LYPD6B: variants seen among roughly 807,000 people sequenced by gnomAD.
LYPD6B encodes the protein LY6/PLAUR domain containing 6B, also known as ly6/PLAUR domain-containing protein 6B.
In LYPD6B, 17 loss-of-function variants were observed where a neutral mutation model predicts 22.8. That is an observed-to-expected ratio of 0.75 (90% CI 0.51 to 1.12). The LOEUF (loss-of-function observed/expected upper bound fraction) is 1.12, where lower values mean the gene tolerates loss of function less well. Ranked by LOEUF, LYPD6B falls within the 50% of genes most tolerant of loss-of-function variation. LYPD6B has a pLI of 0.00. For synonymous variants in LYPD6B, 106 were observed against 91.6 expected, an observed-to-expected ratio of 1.16 and a Z score of -0.90; for missense variants, 221 against 258.3, an observed-to-expected ratio of 0.86 and a Z score of 0.99.
intron 3 of LYPD6B, among the ~76,000 whole-genome samples, chr2:149,199,436 T>C (rs1693020747): frequency 6.6e-6 from 1 of 152,248 alleles, no homozygotes; most frequent in Admixed American, 6.5e-5. Context: ...CCAATAATTT[T>C]TGAGCGCACA....
At chr2:149,190,292 GTCTC>G (rs1354070049) in intron 3 of LYPD6B, among the ~76,000 whole-genome samples, 1 of 152,082 alleles carries the variant, frequency 6.6e-6, no homozygotes, top group East Asian at 1.9e-4. Context: ...GCGTGTGTGT[GTCTC>G]TGTGTGTGTG....
rs568548851 is a variant in LYPD6B at position 149,154,114 on chromosome 2, C to T, written c.6-6650C>T. The T allele has an allele frequency of 4.1e-5, 30 of 729,128 alleles. No individual in the cohort carries two copies. The African/African-American group carries it at 5.4e-4, about 13-fold the overall frequency. The allele number at this position is 729,128 out of a possible 1,614,324, so 45.2% of individuals were successfully genotyped here. ...GAATATTATAGTGGATTTGTATTTC[C>T]CCCATCCCCCCACCCCCCAAAAAAA... On this transcript the variant is annotated intron_variant, in intron 2 of 6. Transcript: ENST00000409642.
At chr2:149,183,221 C>G (rs928029455) in intron 3 of LYPD6B, among the ~76,000 whole-genome samples, 10 of 152,140 alleles carry the variant, frequency 6.6e-5, no homozygotes, top group African/African-American at 2.4e-4. Context: ...GGTGAAATTT[C>G]TAAACCAGAA....
At chr2:149,132,002 G>T (rs1688059057) in intron 2 of LYPD6B, among the ~76,000 whole-genome samples, 2 of 151,960 alleles carry the variant, frequency 1.3e-5, no homozygotes, top group Admixed American at 6.6e-5. Flanking sequence ...GACCGGGAGA[G>T]GGGAAAAGAC....
intron 2 of LYPD6B, among the ~76,000 whole-genome samples, chr2:149,139,791 G>C (rs79158908): frequency 0.018 from 2,691 of 152,246 alleles, 84 homozygotes; most frequent in African/African-American, 0.061. Context: ...AGAAGAGAAG[G>C]CAGAGAGAGG....
Position 149,046,447 on chromosome 2 carries a change from T to C in LYPD6B, c.-67+7646T>C, listed in dbSNP as rs1355267048. On this transcript the variant is annotated intron_variant, in intron 1 of 6. Coordinates refer to ENST00000409642, the MANE Select transcript of LYPD6B (RefSeq NM_177964.5). ...TAATTATAATCTACCATCTTGCTAG[T>C]TGTTTTCTATTTGTTCTATCTGTTC... 3.9e-5 allele frequency among the ~76,000 whole-genome samples: 6 copies of C among 152,156 alleles called. No homozygotes were observed. In the East Asian group the frequency reaches 9.6e-4, roughly 24 times the overall value.
At chr2:149,067,744 T>A (rs530795304) in intron 1 of LYPD6B, among the ~76,000 whole-genome samples, 18 of 152,244 alleles carry the variant, frequency 1.2e-4, no homozygotes, top group South Asian at 4.1e-4. Flanking sequence ...ATTCCTGGTA[T>A]AATCATTAAT....
chr2:149,087,218 G>T (rs1329853421), intron 1 of LYPD6B, among the ~76,000 whole-genome samples: 1 of 152,054 alleles, frequency 6.6e-6, no homozygotes, highest in Admixed American at 6.6e-5. Context: ...ACAGTGCTCT[G>T]GTGTGCCACT....
chr2:149,091,093 C>T (rs1685628229), intron 1 of LYPD6B, among the ~76,000 whole-genome samples: 1 of 152,074 alleles, frequency 6.6e-6, no homozygotes, highest in Non-Finnish European at 1.5e-5. Context: ...AGATAGAATG[C>T]AGTAGCATTA....
intron 1 of LYPD6B, among the ~76,000 whole-genome samples, chr2:149,083,949 AAAAC>A (rs1685259498): frequency 1.6e-5 from 2 of 123,404 alleles, no homozygotes; most frequent in South Asian, 5.3e-4. Context: ...GAACAAAAAC[AAAAC>A]AAACAAAAAA....
intron 2 of LYPD6B, among the ~76,000 whole-genome samples, chr2:149,146,134 G>A (rs191405341): frequency 1.5e-3 from 228 of 152,292 alleles, no homozygotes; most frequent in Non-Finnish European, 1.2e-3. Context: ...TCCTACCCTC[G>A]CAGAGCTTAC....
intron 3 of LYPD6B, among the ~76,000 whole-genome samples, chr2:149,198,136 A>G (rs775140755): frequency 4.0e-5 from 6 of 150,994 alleles, no homozygotes; most frequent in Non-Finnish European, 5.9e-5. Context: ...CCCGCCTCCT[A>G]GGTTCAAGTG....
chr2:149,156,713 AAG>A (rs1247709595), intron 2 of LYPD6B, among the ~76,000 whole-genome samples: 1 of 152,098 alleles, frequency 6.6e-6, no homozygotes, highest in African/African-American at 2.4e-5. Flanking sequence ...ATTACCTCTT[AAG>A]ACTCTCCAGA....
intron 1 of LYPD6B, among the ~76,000 whole-genome samples, chr2:149,058,965 A>T (rs16826420): frequency 0.025 from 3,745 of 152,250 alleles, 164 homozygotes; most frequent in African/African-American, 0.087. Flanking sequence ...ATGCTTCGTG[A>T]TTGAGATCTG....
At chr2:149,131,266 A>G (rs1688010578) in intron 2 of LYPD6B, 1 of 315,698 alleles carries the variant, frequency 3.2e-6, no homozygotes, top group African/African-American at 2.2e-5. Context: ...TTTATGTTAT[A>G]GGTTCCTTAA....
At chr2:149,129,437 T>G (rs1687894364) in intron 1 of LYPD6B, among the ~76,000 whole-genome samples, 1 of 152,222 alleles carries the variant, frequency 6.6e-6, no homozygotes, top group Admixed American at 6.5e-5. Flanking sequence ...ACCCATACTT[T>G]AGGGAACCCC....
At chr2:149,168,864 C>A (rs991279829) in intron 3 of LYPD6B, among the ~76,000 whole-genome samples, 2 of 152,076 alleles carry the variant, frequency 1.3e-5, no homozygotes, top group Admixed American at 6.6e-5. Context: ...TACTTTGGGG[C>A]CTTAGCAGTA....
chr2:149,051,424 C>T (rs1683555029), intron 1 of LYPD6B, among the ~76,000 whole-genome samples: 1 of 152,100 alleles, frequency 6.6e-6, no homozygotes, highest in African/African-American at 2.4e-5. Context: ...CTCGGCCTCC[C>T]AAAGTGCTGG....
chr2:149,104,223 C>G (rs530970492), intron 1 of LYPD6B, among the ~76,000 whole-genome samples: 1 of 152,210 alleles, frequency 6.6e-6, no homozygotes, highest in African/African-American at 2.4e-5. Flanking sequence ...CATTTGTGTA[C>G]AGATCTTTGT....
Sources: allele counts gnomAD v4.1 joint callset (sites outside exome capture counted in the v4.1 genomes callset), GRCh38; gene constraint gnomAD v4.1.1; transcripts MANE v1.5; gene names NCBI Gene and HGNC (gene_info 2026-07-23, HGNC 2026-07-21).